Variants in CCDC181 observed in about 807,000 individuals in gnomAD.
CCDC181 encodes coiled-coil domain-containing protein 181.
Under a neutral mutation model 58.7 loss-of-function variants are expected in CCDC181, and 35 were observed. The observed-to-expected ratio is 0.60, with a 90% CI of 0.46 to 0.79. CCDC181 has a LOEUF of 0.79. CCDC181 is among the 30% of genes least tolerant of loss of function. The probability of loss-of-function intolerance (pLI) is 0.00; values close to 1 mark genes in which losing one functional copy is unlikely to be tolerated. For synonymous variants in CCDC181, 183 were observed against 197.5 expected (o/e 0.93, Z 0.62); for missense variants, 517 against 583.9 (o/e 0.89, Z 1.18).
At chr1:169,408,082 C>T (rs1396600295) in intron 4 of CCDC181, among the ~76,000 whole-genome samples, 3 of 152,202 alleles carry the variant, frequency 2.0e-5, no homozygotes. Context: ...ATTCACTCCC[C>T]TGGAAAGGGG....
Position 169,424,835 on chromosome 1 carries a change from T to G in CCDC181, c.93A>C (p.Glu31Asp). ...KDLEWLINEN[E>D]KSDASIIEMA... is the part of the protein sequence containing the mutation. ...CCTCTATTATGCTGGCATCACTTTTTTCATTTTCATTAATTAACCACTCCA... is the reference window on the plus strand; with the variant it reads ...CCTCTATTATGCTGGCATCACTTTTGTCATTTTCATTAATTAACCACTCCA... The change falls in exon 2 of 6, where the codon GAA becomes GAC. Residue 31 changes from glutamate (E) to aspartate (D), a missense_variant. By Grantham distance (45) the Glu-to-Asp change is conservative. Transcript: ENST00000367806. 1 of 1,598,320 alleles carries G rather than the reference T, an allele frequency of 6.3e-7. No individual in the cohort carries two copies. The highest frequency in any genetic ancestry group is 2.2e-5 in the East Asian group (1 of 44,674).
chr1:169,398,512 T>G (rs192151534), intron 4 of CCDC181, among the ~76,000 whole-genome samples: 40 of 152,326 alleles, frequency 2.6e-4, no homozygotes, highest in African/African-American at 8.7e-4. Context: ...TCAACAGATA[T>G]TCATAGTATT....
At chr1:169,440,941 A>AAAAAAAAAAAAAAAAAAAAAAG (rs1657210312) in intron 2 of CCDC181, among the ~76,000 whole-genome samples, 1 of 150,700 alleles carries the variant, frequency 6.6e-6, no homozygotes, top group Non-Finnish European at 1.5e-5. Flanking sequence ...TAAAAAAAAA[A>AAAAAAAAAAAAAAAAAAAAAAG]AAAAGGCAAG....
At chr1:169,454,674 A>G (rs1460189805) in intron 2 of CCDC181, 4 of 152,076 alleles carry the variant, frequency 2.6e-5, no homozygotes. Flanking sequence ...TGTATTTGAT[A>G]CATACAAAAG....
At chr1:169,447,660 C>T (rs1657413157) in intron 2 of CCDC181, among the ~76,000 whole-genome samples, 1 of 152,132 alleles carries the variant, frequency 6.6e-6, no homozygotes, top group African/African-American at 2.4e-5. Flanking sequence ...GTATATTTGC[C>T]TATATGTCTC....
In CCDC181 at chr1:169,448,255, C is replaced by T. The variant is rs543385645; in HGVS notation, c.-24+11542G>A. On this transcript the variant is annotated intron_variant, in intron 2 of 6. Coordinates refer to the CCDC181 transcript ENST00000545005. Reference sequence around the variant, plus strand: ...GAATAAGAAAAATAAAATATTTTATCTTCATTTATTCCTTCTCTAACATTC... The same window carrying T: ...GAATAAGAAAAATAAAATATTTTATTTTCATTTATTCCTTCTCTAACATTC... Among the ~76,000 whole-genome samples the T allele has an allele frequency of 5.3e-5, 8 of 152,120 alleles. 1 individual carries two copies. The South Asian group carries it at 1.7e-3, about 32-fold the overall frequency.
intron 2 of CCDC181, among the ~76,000 whole-genome samples, chr1:169,446,291 A>G (rs1008345845): frequency 3.3e-5 from 5 of 152,074 alleles, no homozygotes; most frequent in Non-Finnish European, 5.9e-5. Flanking sequence ...TAAAAATACA[A>G]AAATTAGCTG....
At chr1:169,450,193 G>A (rs1657497272) in intron 2 of CCDC181, among the ~76,000 whole-genome samples, 1 of 152,192 alleles carries the variant, frequency 6.6e-6, no homozygotes, top group Non-Finnish European at 1.5e-5. Flanking sequence ...AGCTAGAGTT[G>A]AAGAAACTGT....
Position 169,424,788 on chromosome 1 carries a change from T to C in CCDC181, c.117+23A>G, listed in dbSNP as rs377120788. 6.4e-4 allele frequency: 763 copies of C among 1,188,182 alleles called. 1 individual carries two copies. Among genetic ancestry groups the C allele is most frequent in the Non-Finnish European group, 8.3e-4 (682 of 817,560 alleles). 73.6% of individuals were successfully genotyped at this position (1,188,182 alleles called of 1,614,324 possible). ...AAAGCACTTTGTAATATAATTATTA[T>C]GAATGCTGTTGGCAATATATACCTC... On this transcript the variant is annotated intron_variant, in intron 2 of 5. Transcript: ENST00000367806.
At chr1:169,444,450 A>G (rs977444029) in intron 2 of CCDC181, among the ~76,000 whole-genome samples, 1 of 152,114 alleles carries the variant, frequency 6.6e-6, no homozygotes, top group African/African-American at 2.4e-5. Flanking sequence ...CTTCAGTAGC[A>G]TTTTTACAGC....
chr1:169,431,507 G>A (rs78996767), upstream of CCDC181, among the ~76,000 whole-genome samples: 6,027 of 152,274 alleles, frequency 0.04, 198 homozygotes, highest in Non-Finnish European at 0.054. Context: ...GAAGCACCAG[G>A]AATCTATCTC....
intron 4 of CCDC181, among the ~76,000 whole-genome samples, chr1:169,402,984 A>AC (rs1478756949): frequency 8.1e-6 from 1 of 122,846 alleles, no homozygotes; most frequent in South Asian, 2.7e-4. Context: ...AAAACAAACA[A>AC]AAAAAAAAAA....
At position 169,397,338 on chromosome 1, in the gene CCDC181, GTGCTTTT is replaced by G; in HGVS notation, c.1262_1268del (p.Lys421ThrfsTer5). 2.5e-6 allele frequency: 4 copies of G among 1,609,552 alleles called. No homozygotes were observed. The highest frequency in any genetic ancestry group is 3.4e-6 in the Non-Finnish European group (4 of 1,177,994). On this transcript the variant is annotated frameshift_variant, in exon 5 of 6. Coordinates refer to ENST00000367806, the MANE Select transcript of CCDC181 (RefSeq NM_001300969.2). LOFTEE classifies it high-confidence loss of function. ...TCTGTCTTTCTTTCATCTGCTCTTC[GTGCTTTT>G]TTTTAAGCCATAATCGAAAAGCTTG...
rs1168772185 is a variant in CCDC181 at position 169,427,444 on chromosome 1, C to T, written c.-180G>A. 2 of 152,450 alleles carry T rather than the reference C, an allele frequency of 1.3e-5. No homozygotes were observed. Among genetic ancestry groups the T allele is most frequent in the Non-Finnish European group, 2.9e-5 (2 of 68,232 alleles). 9.4% of individuals were successfully genotyped at this position (152,450 alleles called of 1,614,324 possible). A position where few individuals can be genotyped will look rare whatever the true frequency, so the allele number is the denominator to read the frequency against. On this transcript the variant is annotated 5_prime_UTR_variant, in exon 1 of 6. Coordinates refer to ENST00000367806, the MANE Select transcript of CCDC181 (RefSeq NM_001300969.2). ...CCATGGCAACAGCGTGCCTCTGCGTCCTCCATCCGGGCCTCTCTAACTACG... is the reference window on the plus strand; with the variant it reads ...CCATGGCAACAGCGTGCCTCTGCGTTCTCCATCCGGGCCTCTCTAACTACG...
At chr1:169,446,238 G>A (rs754191472) in intron 2 of CCDC181, among the ~76,000 whole-genome samples, 1 of 152,142 alleles carries the variant, frequency 6.6e-6, no homozygotes, top group Non-Finnish European at 1.5e-5. Context: ...GAGGTCAAGA[G>A]ATCAAGACCA....
At chr1:169,455,679 C>T (rs1373457188) in intron 2 of CCDC181, among the ~76,000 whole-genome samples, 3 of 152,092 alleles carry the variant, frequency 2.0e-5, no homozygotes, top group Non-Finnish European at 2.9e-5. Flanking sequence ...ACAAAAACTG[C>T]CCTTCCTAGC....
At chr1:169,410,973 T>C (rs1391025437) in intron 4 of CCDC181, among the ~76,000 whole-genome samples, 2 of 151,936 alleles carry the variant, frequency 1.3e-5, no homozygotes, top group African/African-American at 4.8e-5. Context: ...ACATCGCAAT[T>C]AAAAGAACTA....
chr1:169,428,326 G>C (rs536784639), upstream of CCDC181, among the ~76,000 whole-genome samples: 9 of 151,538 alleles, frequency 5.9e-5, no homozygotes, highest in East Asian at 1.8e-3. Flanking sequence ...CCCAAAAAAG[G>C]TTATTCACTG....
upstream of CCDC181, chr1:169,427,504 T>C (rs1233635244): frequency 6.6e-6 from 1 of 152,222 alleles, no homozygotes. Flanking sequence ...GCATGCAATA[T>C]CCTCAGACCA....
Sources: allele counts gnomAD v4.1 joint callset (sites outside exome capture counted in the v4.1 genomes callset), GRCh38; gene constraint gnomAD v4.1.1; transcripts MANE v1.5; gene names NCBI Gene and HGNC (gene_info 2026-07-23, HGNC 2026-07-21).